Variants in SLC6A4 observed in about 807,000 individuals in gnomAD.
SLC6A4 encodes sodium-dependent serotonin transporter.
SLC6A4 carries 22 observed loss-of-function variants against 73.4 expected under a neutral mutation model. The ratio of observed to expected loss-of-function variants is 0.30; its 90% CI spans 0.21 to 0.43. The LOEUF (loss-of-function observed/expected upper bound fraction) is 0.43. SLC6A4 is among the 20% of genes least tolerant of loss of function. SLC6A4 has a pLI of 1.00. For missense variants in SLC6A4, 593 were observed against 808.5 expected, an observed-to-expected ratio of 0.73 and a Z score of 3.23; for synonymous variants, 270 against 315.5, an observed-to-expected ratio of 0.86 and a Z score of 1.53.
chr17:30,199,117 A>G (rs977345931), intron 14 of SLC6A4, among the ~76,000 whole-genome samples: 1 of 152,234 alleles, frequency 6.6e-6, no homozygotes, highest in South Asian at 2.1e-4. Flanking sequence ...TATTGAAATC[A>G]TCACTTCTAA....
intron 1 of SLC6A4, among the ~76,000 whole-genome samples, chr17:30,231,807 C>T (rs1195005628): frequency 6.6e-6 from 1 of 152,236 alleles, no homozygotes; most frequent in Non-Finnish European, 1.5e-5. Flanking sequence ...TCTTCCCTCC[C>T]TGTTCCTTCG....
At chr17:30,205,916 T>C (rs1235402162) in intron 13 of SLC6A4, 1 of 152,236 alleles carries the variant, frequency 6.6e-6, no homozygotes, top group Non-Finnish European at 1.5e-5. Context: ...GCTGTTTTCA[T>C]GTTTGTTTTT....
Position 30,217,171 on chromosome 17 carries a change from C to T in SLC6A4, c.832G>A (p.Gly278Ser). ...GCAGCCAGAGCCTTCCTCACCTTGC[C>T]AGAGGTCTTGACGCCTTTCCAGATG... Reference protein sequence around the residue: ...FSIWKGVKTSGKVVWVTATFP... With the variant: ...FSIWKGVKTSSKVVWVTATFP... Residue 278 changes from glycine (G) to serine (S), a missense_variant, in exon 6 of 15, where the codon GGC becomes AGC. Coordinates refer to ENST00000650711, the MANE Select transcript of SLC6A4 (RefSeq NM_001045.6). 6.2e-7 allele frequency: 1 copy of T among 1,613,568 alleles called. No homozygotes were observed.
intron 13 of SLC6A4, among the ~76,000 whole-genome samples, chr17:30,207,473 C>T (rs917134894): frequency 1.4e-4 from 22 of 152,160 alleles, no homozygotes; most frequent in Middle Eastern, 6.8e-3. Flanking sequence ...CTGCAACCTC[C>T]GCCTCCTGGG....
rs369226775 is a variant in SLC6A4 at position 30,218,758 on chromosome 17, G to C, written c.478+39C>G. On this transcript the variant is annotated intron_variant, in intron 4 of 14. Coordinates refer to ENST00000650711, the MANE Select transcript of SLC6A4 (RefSeq NM_001045.6). ...CCCACTGATGGAAATCCCTTCCTGA[G>C]AGGCTCCACTTACCCACCCCACCGA... 54 of 1,610,212 alleles carry C rather than the reference G, an allele frequency of 3.4e-5. No homozygotes were observed. In the African/African-American group the frequency reaches 6.3e-4, roughly 19 times the overall value.
At chr17:30,217,871 C>T (rs1386022311) in intron 5 of SLC6A4, among the ~76,000 whole-genome samples, 1 of 152,150 alleles carries the variant, frequency 6.6e-6, no homozygotes, top group African/African-American at 2.4e-5. Flanking sequence ...AAGGGAGGGA[C>T]GGGCTTGGGC....
intron 1 of SLC6A4, among the ~76,000 whole-genome samples, chr17:30,230,750 GA>G (rs1907087450): frequency 6.6e-6 from 1 of 152,182 alleles, no homozygotes; most frequent in African/African-American, 2.4e-5. Flanking sequence ...GAGGTCAGGT[GA>G]GGTGAGGCTG....
intron 1 of SLC6A4, among the ~76,000 whole-genome samples, chr17:30,226,824 G>T (rs1906939091): frequency 6.8e-6 from 1 of 146,642 alleles, no homozygotes; most frequent in African/African-American, 2.6e-5. Flanking sequence ...AGAGGTTACA[G>T]TCAGCCAAAC....
In SLC6A4 at chr17:30,215,628, G is replaced by A. The variant is rs544265055; in HGVS notation, c.1059C>T (p.Phe353=). 6 of 1,613,942 alleles carry A rather than the reference G, an allele frequency of 3.7e-6. No homozygotes were observed. The African/African-American group carries it at 5.3e-5, about 14-fold the overall frequency. The part of the protein sequence containing the change: ...VLLAFASYNK[F]NNNCYQDALV... ...ATACTCACTGGTAGCAGTTGTTGTTGAACTTGTTGTAGCTAGCAAAAGCCA... is the reference window on the plus strand; with the variant it reads ...ATACTCACTGGTAGCAGTTGTTGTTAAACTTGTTGTAGCTAGCAAAAGCCA... The change falls in exon 8 of 15, where the codon TTC becomes TTT. Residue 353 remains phenylalanine (F), a synonymous_variant. Coordinates refer to ENST00000650711, the MANE Select transcript of SLC6A4 (RefSeq NM_001045.6).
In SLC6A4 at chr17:30,214,634, C is replaced by CTT. The variant is rs753290326; in HGVS notation, c.1076+975_1076+976dup. Among the ~76,000 whole-genome samples the CTT allele has an allele frequency of 2.7e-3, 351 of 132,324 alleles. 1 individual carries two copies. Among genetic ancestry groups the CTT allele is most frequent in the Middle Eastern group, 0.012 (3 of 244 alleles). 86.8% of individuals were successfully genotyped at this position (132,324 alleles called of 152,430 possible). On this transcript the variant is annotated intron_variant, in intron 8 of 14. Coordinates refer to ENST00000650711, the MANE Select transcript of SLC6A4 (RefSeq NM_001045.6). ...CTTTGCAATTTCTCTTTCTTTCTTTCTTTTTTTTTTTTTTTTTTGATGGAA... is the reference window on the plus strand; with the variant it reads ...CTTTGCAATTTCTCTTTCTTTCTTTCTTTTTTTTTTTTTTTTTTTTGATGGAA...
chr17:30,221,269 G>A (rs1906740210), intron 3 of SLC6A4, among the ~76,000 whole-genome samples: 1 of 152,100 alleles, frequency 6.6e-6, no homozygotes, highest in Non-Finnish European at 1.5e-5. Context: ...GAGCCACCAC[G>A]CCTGGCGAGA....
At position 30,222,087 on chromosome 17, in the gene SLC6A4, G is replaced by T. The variant is rs1906783744; in HGVS notation, c.-123-6C>A. On this transcript the variant is annotated splice_polypyrimidine_tract_variant and splice_region_variant and intron_variant, in intron 2 of 14. Coordinates refer to ENST00000650711, the MANE Select transcript of SLC6A4 (RefSeq NM_001045.6). ...TTGACACGTCGGGATTGACTCTGTT[G>T]GAAAGACACACAGAGGAAGGAGAAA... is the stretch of plus-strand genomic sequence containing the variant. 3 of 1,549,636 alleles carry T rather than the reference G, an allele frequency of 1.9e-6. No individual in the cohort carries two copies. In the South Asian group the frequency reaches 3.5e-5, roughly 18 times the overall value.
chr17:30,215,227 C>A (rs1906531513), intron 8 of SLC6A4, among the ~76,000 whole-genome samples: 1 of 152,062 alleles, frequency 6.6e-6, no homozygotes, highest in Non-Finnish European at 1.5e-5. Flanking sequence ...ATTTTTAGTA[C>A]AGACAGGGTT....
intron 1 of SLC6A4, among the ~76,000 whole-genome samples, chr17:30,229,679 G>A (rs1907026887): frequency 2.4e-3 from 1 of 422 alleles, no homozygotes. Context: ...CTCCCAAAGT[G>A]CTGAGATTAC....
At chr17:30,231,517 T>A (rs1369583986) in intron 1 of SLC6A4, among the ~76,000 whole-genome samples, 1 of 151,630 alleles carries the variant, frequency 6.6e-6, no homozygotes. Context: ...TACAGATACA[T>A]AAATGGCATA....
rs1205984516 is a variant in SLC6A4, at chr17:30,235,404, C to T, written c.-221+209G>A. On this transcript the variant is annotated intron_variant, in intron 1 of 14. Coordinates refer to ENST00000650711, the MANE Select transcript of SLC6A4 (RefSeq NM_001045.6). This position sits in a 1 kb window ranked among gnomAD's most constrained non-coding sequence, Gnocchi z 4.5. ...ACTTCGAGCACTCCACGTTCCTCGT[C>T]TCCCACTCTGGCCGGTCAGCTTCAG... Among the ~76,000 whole-genome samples the T allele has an allele frequency of 1.3e-5, 2 of 152,236 alleles. No individual in the cohort carries two copies. The highest frequency in any genetic ancestry group is 4.8e-5 in the African/African-American group (2 of 41,468).
Position 30,218,193 on chromosome 17 carries a change from TTG to T in SLC6A4, c.621_622del (p.Asn208LeufsTer21). The T allele has an allele frequency of 6.2e-7, 1 of 1,614,200 alleles. No individual in the cohort carries two copies. The highest frequency in any genetic ancestry group is 8.5e-7 in the Non-Finnish European group (1 of 1,180,028). ...GTCCTCGGAGAAGTAATTGGTGCAG[TTG>T]CCAGTGTTCCAGGAGTTCTTGCAGC... On this transcript the variant is annotated frameshift_variant, in exon 5 of 15. Coordinates refer to ENST00000650711, the MANE Select transcript of SLC6A4 (RefSeq NM_001045.6). LOFTEE classifies it high-confidence loss of function.
intron 13 of SLC6A4, among the ~76,000 whole-genome samples, chr17:30,206,721 T>C (rs1253798062): frequency 2.2e-5 from 3 of 138,438 alleles, no homozygotes; most frequent in African/African-American, 8.1e-5. Context: ...TCTTTTTTTT[T>C]TTTTTTTTTT....
At position 30,221,561 on chromosome 17, in the gene SLC6A4, C is replaced by T. The variant is rs888716328; in HGVS notation, c.343+55G>A. The T allele has an allele frequency of 5.9e-6, 9 of 1,517,896 alleles. No homozygotes were observed. The African/African-American group carries it at 1.1e-4, about 18-fold the overall frequency. 94.0% of individuals were successfully genotyped at this position (1,517,896 alleles called of 1,614,324 possible). A position where few individuals can be genotyped will look rare whatever the true frequency, so the allele number is the denominator to read the frequency against. On this transcript the variant is annotated intron_variant, in intron 3 of 14. Coordinates refer to ENST00000650711, the MANE Select transcript of SLC6A4 (RefSeq NM_001045.6). ...AGCCCACCCCGGGTCACAGCCCACT[C>T]CGGGTCACAGCCCACCCTGGGTCAC...
Sources: gnomAD v4.1 joint callset for allele counts (sites outside exome capture counted in the v4.1 genomes callset) on GRCh38, gnomAD v4.1.1 for gene constraint, Gnocchi (gnomAD v3.1) non-coding constraint, MANE v1.5 for transcripts, NCBI Gene and HGNC (gene_info 2026-07-23, HGNC 2026-07-21) for gene names.